The following RABEP1 variants were observed in gnomAD, a reference collection of about 807,000 sequenced individuals.
RABEP1 encodes rab GTPase-binding effector protein 1.
RABEP1 carries 51 observed loss-of-function variants against 123.4 expected under a neutral mutation model. The observed-to-expected ratio is 0.41, with a 90% CI of 0.33 to 0.52. RABEP1 has a LOEUF of 0.52. Among genes scored for constraint, RABEP1 ranks in the 20% least tolerant of loss-of-function variants. The pLI is 0.16. For missense variants in RABEP1, 888 were observed against 996.3 expected (o/e 0.89, Z 1.46); for synonymous variants, 347 against 355.2 (o/e 0.98, Z 0.26).
At chr17:5,367,520 C>T (rs143999276) in intron 11 of RABEP1, among the ~76,000 whole-genome samples, 153 of 151,874 alleles carry the variant, frequency 1.0e-3, no homozygotes, top group African/African-American at 3.1e-3. Flanking sequence ...CCATCCGCCT[C>T]GGCCTCCCAA....
intron 2 of RABEP1, among the ~76,000 whole-genome samples, chr17:5,316,559 A>G (rs1396347851): frequency 6.8e-6 from 1 of 147,932 alleles, no homozygotes; most frequent in Admixed American, 6.8e-5. Context: ...TAGGCTGGGC[A>G]CGGTGACTCA....
At chr17:5,328,804 C>G (rs1354696536) in intron 2 of RABEP1, among the ~76,000 whole-genome samples, 1 of 150,234 alleles carries the variant, frequency 6.7e-6, no homozygotes, top group East Asian at 2.0e-4. Flanking sequence ...TACAAAAATT[C>G]GCCAGGCGCA....
At chr17:5,379,553 T>A (rs895735013) in intron 15 of RABEP1, among the ~76,000 whole-genome samples, 1 of 152,188 alleles carries the variant, frequency 6.6e-6, no homozygotes, top group Non-Finnish European at 1.5e-5. Flanking sequence ...CTCCACCTGC[T>A]GCAGTCTGCC....
intron 8 of RABEP1, 97 bp downstream of exon 8, chr17:5,354,587 A>C: frequency 8.8e-7 from 1 of 1,131,278 alleles, no homozygotes. Context: ...ATGAGAAGTG[A>C]GAAGTGCATA....
At chr17:5,310,547 T>C (rs764337689) in intron 2 of RABEP1, among the ~76,000 whole-genome samples, 1 of 151,932 alleles carries the variant, frequency 6.6e-6, no homozygotes, top group Non-Finnish European at 1.5e-5. Context: ...CTCAAACTCC[T>C]GACCTTGTGA....
intron 2 of RABEP1, among the ~76,000 whole-genome samples, chr17:5,314,908 G>A (rs1216160932): frequency 6.6e-6 from 1 of 152,168 alleles, no homozygotes; most frequent in Non-Finnish European, 1.5e-5. Flanking sequence ...TTACAGCAGT[G>A]TTTATGTTTT....
intron 2 of RABEP1, among the ~76,000 whole-genome samples, chr17:5,321,215 G>C (rs1299196956): frequency 6.6e-6 from 1 of 152,198 alleles, no homozygotes; most frequent in African/African-American, 2.4e-5. Context: ...GCCAGGGTGG[G>C]AGGATTGCTT....
chr17:5,382,542 A>C (rs1911564473), intron 17 of RABEP1, among the ~76,000 whole-genome samples: 1 of 150,900 alleles, frequency 6.6e-6, no homozygotes, highest in Admixed American at 6.6e-5. Flanking sequence ...TGAGGTCAGG[A>C]GTTTGAGACC....
intron 1 of RABEP1, among the ~76,000 whole-genome samples, chr17:5,286,288 G>A (rs1307336852): frequency 2.0e-5 from 3 of 152,180 alleles, no homozygotes; most frequent in African/African-American, 7.2e-5. Flanking sequence ...AAGGTCAGGC[G>A]TTCAAGACCA....
At position 5,282,407 on chromosome 17, in the gene RABEP1, T is replaced by G; in HGVS notation, c.-80T>G. The G allele has an allele frequency of 1.7e-6, 2 of 1,156,104 alleles. No individual in the cohort carries two copies. The highest frequency in any genetic ancestry group is 1.1e-6 in the Non-Finnish European group (1 of 876,914). 71.6% of individuals were successfully genotyped at this position (1,156,104 alleles called of 1,614,324 possible). On this transcript the variant is annotated 5_prime_UTR_variant, in exon 1 of 18. Coordinates refer to ENST00000537505, the MANE Select transcript of RABEP1 (RefSeq NM_004703.6). ...CGGCGGCGGCGGCTCGGTTGACGCC[T>G]CCTCCGCCAGCTGAGCCCGCGGGAG...
At chr17:5,351,951 C>T (rs950698557) in intron 7 of RABEP1, among the ~76,000 whole-genome samples, 1 of 151,866 alleles carries the variant, frequency 6.6e-6, no homozygotes, top group Admixed American at 6.6e-5. Flanking sequence ...CTTTTCTTGT[C>T]ATCTCAAATA....
chr17:5,308,772 A>AG lies in RABEP1; in HGVS notation c.113_114insG (p.Phe39IlefsTer2). The AG allele has an allele frequency of 6.2e-7, 1 of 1,611,812 alleles. No individual in the cohort carries two copies. The highest frequency in any genetic ancestry group is 8.5e-7 in the Non-Finnish European group (1 of 1,178,352). ...CGTGCACAACAGCAGCTTGAACAAG[A>AG]ATTTAATCAAAAGAGAGCAAAATTT... On this transcript the variant is annotated frameshift_variant, in exon 2 of 18. Transcript: ENST00000537505. LOFTEE classifies it high-confidence loss of function.
chr17:5,354,228 A>G (rs944063800), intron 7 of RABEP1, 131 bp from the exon 8 acceptor site: 3 of 779,388 alleles, frequency 3.8e-6, no homozygotes, highest in Non-Finnish European at 5.7e-6. Context: ...ATTACAAAAC[A>G]AAGAAGCGTA....
intron 8 of RABEP1, 138 bp from the exon 9 acceptor site, chr17:5,361,070 G>GT: frequency 3.9e-6 from 3 of 766,416 alleles, no homozygotes; most frequent in Non-Finnish European, 4.1e-6. Flanking sequence ...GACACTTAGT[G>GT]TTTGTTCAAT....
Position 5,282,368 on chromosome 17 carries a change from T to C in RABEP1, c.-119T>C. 1.2e-6 allele frequency: 1 copy of C among 820,806 alleles called. No homozygotes were observed. Among genetic ancestry groups the C allele is most frequent in the Non-Finnish European group, 1.7e-6 (1 of 596,060 alleles). The allele number at this position is 820,806 out of a possible 1,614,324, so 50.8% of individuals were successfully genotyped here. A position where few individuals can be genotyped will look rare whatever the true frequency, so the allele number is the denominator to read the frequency against. On this transcript the variant is annotated 5_prime_UTR_variant, in exon 1 of 18. Transcript: ENST00000537505. The stretch of plus-strand genomic sequence containing the variant: ...CGCCGGCGGATCCAGCCTTAGCGGT[T>C]TCTCTCTGGGCGGCGGCGGCGGCGG...
At chr17:5,360,976 G>T in intron 8 of RABEP1, 3 of 490,164 alleles carry the variant, frequency 6.1e-6, no homozygotes, top group Non-Finnish European at 1.1e-5. Flanking sequence ...TTTTTTTGAA[G>T]CCGTATGTAT....
intron 2 of RABEP1, among the ~76,000 whole-genome samples, chr17:5,322,912 A>T (rs1475083826): frequency 3.9e-5 from 6 of 152,234 alleles, no homozygotes; most frequent in Admixed American, 3.9e-4. Flanking sequence ...CCGTCTTTAC[A>T]AAAAATTCAA....
At chr17:5,369,603 A>G (rs1421803085) in intron 12 of RABEP1, among the ~76,000 whole-genome samples, 1 of 152,202 alleles carries the variant, frequency 6.6e-6, no homozygotes, top group African/African-American at 2.4e-5. Context: ...AAAATACAAT[A>G]TAACACTGGC....
At chr17:5,352,522 T>G (rs1182087657) in intron 7 of RABEP1, among the ~76,000 whole-genome samples, 2 of 150,104 alleles carry the variant, frequency 1.3e-5, no homozygotes, top group Admixed American at 1.3e-4. Flanking sequence ...CTGCCTTCCC[T>G]GCTGCCCATT....
Sources: allele counts gnomAD v4.1 joint callset (sites outside exome capture counted in the v4.1 genomes callset), GRCh38; gene constraint gnomAD v4.1.1; transcripts MANE v1.5; gene names NCBI Gene and HGNC (gene_info 2026-07-23, HGNC 2026-07-21).